The following DPP10 variants were observed in gnomAD, a reference collection of about 807,000 sequenced individuals.
DPP10 encodes dipeptidyl peptidase like 10, also known as inactive dipeptidyl peptidase 10.
DPP10 carries 33 observed loss-of-function variants against 120.9 expected under a neutral mutation model. The observed-to-expected ratio is 0.27, with a 90% CI of 0.21 to 0.37. The LOEUF (loss-of-function observed/expected upper bound fraction) is 0.37, where lower values mean the gene tolerates loss of function less well. DPP10 is among the 10% of genes least tolerant of loss of function. DPP10 has a pLI of 1.00. For missense variants in DPP10, 816 were observed against 942.8 expected (o/e 0.87, Z 1.76); for synonymous variants, 337 against 326.1 (o/e 1.03, Z -0.36).
intron 1 of DPP10, among the ~76,000 whole-genome samples, chr2:115,150,945 C>T (rs76699260): frequency 0.015 from 2,347 of 152,188 alleles, 31 homozygotes; most frequent in Non-Finnish European, 0.02. Context: ...CAGGTGGCTA[C>T]TAAAAAATTT....
intron 1 of DPP10, among the ~76,000 whole-genome samples, chr2:115,012,427 C>A (rs1362583460): frequency 6.6e-6 from 1 of 152,194 alleles, no homozygotes; most frequent in Non-Finnish European, 1.5e-5. Context: ...CTCACAGATT[C>A]CACTTCACTC....
chr2:114,463,916 CT>C lies in DPP10; in HGVS notation c.60+21085del, dbSNP rs916689640. The stretch of plus-strand genomic sequence containing the variant: ...AGATTATGTTGCCTTTTCAGATAGG[CT>C]TTTTTTCATTTAGTAATATGCATTT... On this transcript the variant is annotated intron_variant, in intron 1 of 25. Transcript: ENST00000410059. Among the ~76,000 whole-genome samples, 6 of 152,212 alleles carry C rather than the reference CT, an allele frequency of 3.9e-5. No homozygotes were observed. The South Asian group carries it at 1.2e-3, about 32-fold the overall frequency.
At chr2:115,193,619 A>G (rs1171541999) in intron 1 of DPP10, among the ~76,000 whole-genome samples, 2 of 152,106 alleles carry the variant, frequency 1.3e-5, no homozygotes, top group East Asian at 3.9e-4. Context: ...ATTCAGTCCA[A>G]ATTTTTCCAA....
intron 11 of DPP10, among the ~76,000 whole-genome samples, chr2:115,762,179 A>G (rs540148654): frequency 6.6e-6 from 1 of 152,284 alleles, no homozygotes; most frequent in Non-Finnish European, 1.5e-5. Flanking sequence ...TTTTAGTTTT[A>G]TTCCTGGCTG....
chr2:115,358,604 A>G (rs1343343055), intron 3 of DPP10, among the ~76,000 whole-genome samples: 2 of 152,176 alleles, frequency 1.3e-5, no homozygotes, highest in African/African-American at 4.8e-5. Flanking sequence ...ACCCAGTTTC[A>G]AAGTTGCTTC....
chr2:115,781,489 G>A (rs180849723), intron 16 of DPP10, among the ~76,000 whole-genome samples: 13 of 151,878 alleles, frequency 8.6e-5, no homozygotes, highest in East Asian at 3.9e-4. Context: ...AACAATATGC[G>A]TAGTCTTACA....
chr2:114,512,530 C>T (rs1684232221), intron 1 of DPP10, among the ~76,000 whole-genome samples: 2 of 152,304 alleles, frequency 1.3e-5, no homozygotes, highest in South Asian at 2.1e-4. Flanking sequence ...ATCTGTAAAA[C>T]TGGGCAAGTT....
At chr2:115,699,879 A>G (rs1399450878) in intron 7 of DPP10, among the ~76,000 whole-genome samples, 1 of 152,236 alleles carries the variant, frequency 6.6e-6, no homozygotes, top group Non-Finnish European at 1.5e-5. Flanking sequence ...ATATATAAAA[A>G]ACTGATCAAT....
At chr2:115,286,536 T>TTAC (rs2060408244) in intron 1 of DPP10, among the ~76,000 whole-genome samples, 5 of 116,642 alleles carry the variant, frequency 4.3e-5, no homozygotes, top group African/African-American at 1.5e-4. Flanking sequence ...AATATATATA[T>TTAC]ATATAAAATA....
At chr2:114,700,375 G>A (rs1700318104) in intron 1 of DPP10, among the ~76,000 whole-genome samples, 1 of 151,312 alleles carries the variant, frequency 6.6e-6, no homozygotes, top group Admixed American at 6.6e-5. Context: ...CACCTTTCCA[G>A]GTATTAAAGG....
chr2:115,596,823 T>C lies in DPP10; in HGVS notation c.441+70851T>C, dbSNP rs1225679126. 2.0e-5 allele frequency among the ~76,000 whole-genome samples: 3 copies of C among 152,304 alleles called. No homozygotes were observed. The East Asian group carries it at 5.8e-4, about 29-fold the overall frequency. On this transcript the variant is annotated intron_variant, in intron 5 of 25. Coordinates refer to ENST00000410059, the MANE Select transcript of DPP10 (RefSeq NM_020868.6). Reference sequence around the variant, plus strand: ...AATTTTAAACAATGGTAAACACTTTTAATGTACACAGGTAGGCACCCTTTC... The same window carrying C: ...AATTTTAAACAATGGTAAACACTTTCAATGTACACAGGTAGGCACCCTTTC...
chr2:115,786,431 C>A (rs756389355), intron 17 of DPP10, among the ~76,000 whole-genome samples: 64 of 152,088 alleles, frequency 4.2e-4, no homozygotes, highest in South Asian at 1.2e-3. Context: ...CAATGATAAA[C>A]CTTTGACATT....
At position 115,064,667 on chromosome 2, in the gene DPP10, T is replaced by A. The variant is rs1268692688; in HGVS notation, c.61-244572T>A. The A allele has an allele frequency of 4.6e-6, 6 of 1,292,928 alleles. No individual in the cohort carries two copies. The African/African-American group carries it at 6.1e-5, about 13-fold the overall frequency. The allele number at this position is 1,292,928 out of a possible 1,614,324, so 80.1% of individuals were successfully genotyped here. A position where few individuals can be genotyped will look rare whatever the true frequency, so the allele number is the denominator to read the frequency against. On this transcript the variant is annotated intron_variant, in intron 1 of 25. Coordinates refer to ENST00000410059, the MANE Select transcript of DPP10 (RefSeq NM_020868.6). ...AGCAAAGTGTTGAGAACTGGAAGCA[T>A]GAGTGAGTGACATGCAAGGAACTGA...
intron 1 of DPP10, among the ~76,000 whole-genome samples, chr2:115,002,675 AT>A (rs1701522216): frequency 6.6e-6 from 1 of 152,188 alleles, no homozygotes; most frequent in Admixed American, 6.5e-5. Context: ...CAAGAAAAAA[AT>A]AACCCCACTA....
chr2:114,450,759 C>T (rs62172127), intron 1 of DPP10, among the ~76,000 whole-genome samples: 3,580 of 151,496 alleles, frequency 0.024, 88 homozygotes, highest in East Asian at 0.043. Flanking sequence ...GCATTATGAG[C>T]GTTTTTCTAC....
chr2:115,099,181 G>A (rs2104608295), intron 1 of DPP10, among the ~76,000 whole-genome samples: 1 of 152,140 alleles, frequency 6.6e-6, no homozygotes, highest in African/African-American at 2.4e-5. Flanking sequence ...GGACGTGGTG[G>A]TGGGTGCCTG....
chr2:115,299,990 T>C (rs1271485684), intron 1 of DPP10, among the ~76,000 whole-genome samples: 2 of 152,074 alleles, frequency 1.3e-5, no homozygotes, highest in African/African-American at 4.8e-5. Context: ...AGTGGTCCTA[T>C]AAATTCTCTA....
chr2:114,950,216 GC>G (rs962240525), intron 1 of DPP10, among the ~76,000 whole-genome samples: 2 of 150,402 alleles, frequency 1.3e-5, no homozygotes, highest in African/African-American at 4.9e-5. Context: ...ATCTTTAGAA[GC>G]TTTTTTTTGT....
intron 1 of DPP10, among the ~76,000 whole-genome samples, chr2:114,961,450 T>C (rs1421175602): frequency 3.6e-5 from 2 of 56,332 alleles, no homozygotes; most frequent in Non-Finnish European, 8.8e-5. Flanking sequence ...TTTGAATGCG[T>C]GTGTGTGTGT....
Sources: gnomAD v4.1 joint callset for allele counts (sites outside exome capture counted in the v4.1 genomes callset) on GRCh38, gnomAD v4.1.1 for gene constraint, MANE v1.5 for transcripts, NCBI Gene and HGNC (gene_info 2026-07-23, HGNC 2026-07-21) for gene names.